Variants in GNA14 observed in about 807,000 individuals in gnomAD.
GNA14 encodes guanine nucleotide-binding protein subunit alpha-14.
Under a neutral mutation model 42.0 loss-of-function variants are expected in GNA14, and 50 were observed. The ratio of observed to expected loss-of-function variants is 1.19; its 90% CI spans 0.95 to 1.51. The LOEUF (loss-of-function observed/expected upper bound fraction) is 1.51, where lower values mean the gene tolerates loss of function less well. Among genes scored for constraint, GNA14 ranks in the 40% most tolerant of loss-of-function variants. The pLI, the probability that GNA14 is intolerant of heterozygous loss-of-function variation, is 0.00. For synonymous variants in GNA14, 173 were observed against 163.1 expected (o/e 1.06, Z -0.46); for missense variants, 473 against 446.2 (o/e 1.06, Z -0.54).
rs368759541 is a variant in GNA14 at position 77,469,866 on chromosome 9, T to C, written c.310-35344A>G. On this transcript the variant is annotated intron_variant, in intron 2 of 6. Transcript: ENST00000341700. ...ATTGAATACCTATCAGGTGACTAGA[T>C]GCTGATGTTGTAAAGATAAAAAGAA... Among the ~76,000 whole-genome samples the C allele has an allele frequency of 2.6e-5, 4 of 152,172 alleles. No homozygotes were observed. In the East Asian group the frequency reaches 7.7e-4, roughly 29 times the overall value.
At chr9:77,551,684 T>C (rs762055746) in intron 1 of GNA14, among the ~76,000 whole-genome samples, 7 of 151,922 alleles carry the variant, frequency 4.6e-5, no homozygotes, top group South Asian at 4.2e-4. Context: ...TCCTACTAGA[T>C]CTGAGCAGCA....
intron 2 of GNA14, among the ~76,000 whole-genome samples, chr9:77,480,963 T>C (rs1437693675): frequency 2.0e-5 from 3 of 152,070 alleles, no homozygotes; most frequent in Non-Finnish European, 4.4e-5. Context: ...GTCTTGCTAG[T>C]GGTCTATCAA....
intron 1 of GNA14, among the ~76,000 whole-genome samples, chr9:77,607,123 A>AT (rs1823655179): frequency 6.6e-6 from 1 of 152,280 alleles, no homozygotes. Context: ...TGATTAAGAC[A>AT]TTTTTCTCTT....
chr9:77,487,615 A>G (rs1836683053), intron 2 of GNA14, among the ~76,000 whole-genome samples: 1 of 152,260 alleles, frequency 6.6e-6, no homozygotes, highest in African/African-American at 2.4e-5. Flanking sequence ...TACTGAAAAC[A>G]CAGATAGGCA....
chr9:77,468,714 C>G (rs1836278038), intron 2 of GNA14, among the ~76,000 whole-genome samples: 1 of 152,206 alleles, frequency 6.6e-6, no homozygotes, highest in African/African-American at 2.4e-5. Context: ...ATCTTCTCTT[C>G]TCTGTTGCAA....
intron 1 of GNA14, among the ~76,000 whole-genome samples, chr9:77,540,556 G>A (rs574368475): frequency 1.2e-4 from 19 of 152,220 alleles, no homozygotes; most frequent in African/African-American, 2.2e-4. Flanking sequence ...TCTGTCTAAC[G>A]ACGAGAGTGG....
At chr9:77,631,459 T>G (rs1309988679) in intron 1 of GNA14, among the ~76,000 whole-genome samples, 1 of 109,948 alleles carries the variant, frequency 9.1e-6, no homozygotes, top group Non-Finnish European at 1.7e-5. Context: ...AATATGCCAC[T>G]TTTTATGTAA....
chr9:77,440,033 T>G (rs978435861), intron 2 of GNA14, among the ~76,000 whole-genome samples: 8 of 152,280 alleles, frequency 5.3e-5, no homozygotes, highest in Non-Finnish European at 1.0e-4. Flanking sequence ...CACATTCATT[T>G]AATTGAAAAA....
chr9:77,573,044 T>C (rs17063760), intron 1 of GNA14, among the ~76,000 whole-genome samples: 15,545 of 152,212 alleles, frequency 0.1, 2,265 homozygotes, highest in African/African-American at 0.32. Context: ...ACTTTAATAC[T>C]CTGCTTGAAA....
chr9:77,489,795 C>T (rs1054136451), intron 2 of GNA14, among the ~76,000 whole-genome samples: 4 of 152,048 alleles, frequency 2.6e-5, no homozygotes, highest in Admixed American at 6.5e-5. Flanking sequence ...TGCAGATCTT[C>T]GTGGTGAGTG....
At chr9:77,595,577 A>G (rs1213843218) in intron 1 of GNA14, among the ~76,000 whole-genome samples, 3 of 152,170 alleles carry the variant, frequency 2.0e-5, no homozygotes, top group Non-Finnish European at 4.4e-5. Context: ...TATCCAGCCC[A>G]TCATACTACT....
chr9:77,488,811 A>C (rs1836705276), intron 2 of GNA14, among the ~76,000 whole-genome samples: 1 of 128,718 alleles, frequency 7.8e-6, no homozygotes, highest in South Asian at 2.7e-4. Flanking sequence ...AAAAAAAAAC[A>C]GAACAAGCCA....
In GNA14 at chr9:77,551,223, A is replaced by G. The variant is rs114023671; in HGVS notation, c.125-21970T>C. Among the ~76,000 whole-genome samples, 724 of 152,288 alleles carry G rather than the reference A, an allele frequency of 4.8e-3. 7 individuals are homozygous for G. Among genetic ancestry groups the G allele is most frequent in the African/African-American group, 0.017 (688 of 41,560 alleles). On this transcript the variant is annotated intron_variant, in intron 1 of 6. Transcript: ENST00000341700. ...CTAGCATGCTTTGACACAGTTTGAT[A>G]TATTATACATTCTTTAGCTGTTCTT... is the stretch of plus-strand genomic sequence containing the variant.
chr9:77,626,996 A>C (rs1381647923), intron 1 of GNA14, among the ~76,000 whole-genome samples: 1 of 152,226 alleles, frequency 6.6e-6, no homozygotes, highest in Non-Finnish European at 1.5e-5. Flanking sequence ...AACAAGACAA[A>C]TAAAGAAGAA....
rs575629548 is a variant in GNA14, at chr9:77,612,608, T to G, written c.124+35062A>C. Among the ~76,000 whole-genome samples the G allele has an allele frequency of 1.4e-4, 21 of 150,890 alleles. No individual in the cohort carries two copies. The East Asian group carries it at 3.9e-3, about 28-fold the overall frequency. ...TCAATATCACTAATCATCAAAAGAA[T>G]GCAAATCAAACCACAGTGAGATATT... On this transcript the variant is annotated intron_variant, in intron 1 of 6. Coordinates refer to ENST00000341700, the MANE Select transcript of GNA14 (RefSeq NM_004297.4).
At chr9:77,425,849 A>G (rs1835447001) in intron 5 of GNA14, 134 bp from the exon 6 acceptor site, 1 of 710,220 alleles carries the variant, frequency 1.4e-6, no homozygotes. Context: ...GAAGCTGGTG[A>G]GCATGTGGGG....
chr9:77,629,648 A>G (rs907760351), intron 1 of GNA14, among the ~76,000 whole-genome samples: 7 of 152,194 alleles, frequency 4.6e-5, no homozygotes, highest in Admixed American at 2.6e-4. Flanking sequence ...CAAACATCGC[A>G]TGTTCTCACT....
intron 2 of GNA14, among the ~76,000 whole-genome samples, chr9:77,479,056 G>C (rs1247569667): frequency 1.3e-5 from 2 of 152,130 alleles, no homozygotes; most frequent in Admixed American, 6.5e-5. Flanking sequence ...TTTGGCTTTT[G>C]TTGCCATTGC....
At chr9:77,631,135 T>A (rs7871429) in intron 1 of GNA14, among the ~76,000 whole-genome samples, 46,023 of 152,064 alleles carry the variant, frequency 0.3, 9,547 homozygotes, top group African/African-American at 0.59. Context: ...GGTCTCAGAG[T>A]CATAGACCCT....
Sources: gnomAD v4.1 joint callset for allele counts (sites outside exome capture counted in the v4.1 genomes callset) on GRCh38, gnomAD v4.1.1 for gene constraint, MANE v1.5 for transcripts, NCBI Gene and HGNC (gene_info 2026-07-23, HGNC 2026-07-21) for gene names.